Variants in MCOLN1 observed in about 807,000 individuals in gnomAD.
MCOLN1 encodes mucolipin TRP cation channel 1.
A neutral mutation model predicts 70.3 loss-of-function variants in MCOLN1; 50 were observed. That is an observed-to-expected ratio of 0.71 (90% CI 0.57 to 0.90). MCOLN1 has a LOEUF of 0.90. Ranked by LOEUF, MCOLN1 falls within the 40% of genes least tolerant of loss-of-function variation. The pLI, the probability that MCOLN1 is intolerant of heterozygous loss-of-function variation, is 0.00. For missense variants in MCOLN1, 598 were observed against 803.5 expected (o/e 0.74, Z 3.09); for synonymous variants, 366 against 341.0 (o/e 1.07, Z -0.81).
chr19:7,522,639 C>G lies in MCOLN1; in HGVS notation c.-112C>G. On this transcript the variant is annotated 5_prime_UTR_variant, in exon 1 of 14. Transcript: ENST00000264079. ...TGACCGAGGCACAGATCAGCTGATG[C>G]CGGAGGGTTTGAAGCCGCGCCGCGA... 8.6e-7 allele frequency: 1 copy of G among 1,165,648 alleles called. No homozygotes were observed. The highest frequency in any genetic ancestry group is 1.2e-6 in the Non-Finnish European group (1 of 865,284). 72.2% of individuals were successfully genotyped at this position (1,165,648 alleles called of 1,614,324 possible). A position where few individuals can be genotyped will look rare whatever the true frequency, so the allele number is the denominator to read the frequency against.
In MCOLN1 at chr19:7,528,486, A is replaced by T; in HGVS notation, c.878-111A>T. ...CAAGCAAGCCCTGAGCCCACTGACC[A>T]ACCAAAACCAGCCGTGCAGCCCCCT... On this transcript the variant is annotated intron_variant, in intron 7 of 13. Transcript: ENST00000264079. This position sits in a 1 kb window ranked among gnomAD's most constrained non-coding sequence, Gnocchi z 4.2. 6.9e-7 allele frequency: 1 copy of T among 1,444,102 alleles called. No homozygotes were observed. Among genetic ancestry groups the T allele is most frequent in the Non-Finnish European group, 9.5e-7 (1 of 1,052,846 alleles). 89.5% of individuals were successfully genotyped at this position (1,444,102 alleles called of 1,614,324 possible).
In MCOLN1 at chr19:7,522,722, C is replaced by G; in HGVS notation, c.-29C>G. ...TCGGACCCAGGCTGCCCCGCCGTAC[C>G]CGCCTGCGTCCCGCGCTCCCGCCCC... On this transcript the variant is annotated 5_prime_UTR_variant, in exon 1 of 14. Coordinates refer to ENST00000264079, the MANE Select transcript of MCOLN1 (RefSeq NM_020533.3). 1 of 1,454,340 alleles carries G rather than the reference C, an allele frequency of 6.9e-7. No individual in the cohort carries two copies. The highest frequency in any genetic ancestry group is 9.0e-7 in the Non-Finnish European group (1 of 1,107,904). 90.1% of individuals were successfully genotyped at this position (1,454,340 alleles called of 1,614,324 possible).
In MCOLN1 at chr19:7,528,956, G is replaced by A. The variant is rs749914804; in HGVS notation, c.1120G>A (p.Gly374Ser). ...LTISGTIMKI[G>S]IEAKNLASYD... ...CATCTCGGGCACCATCATGAAGATC[G>A]GCATCGAGGCCAAGGTGCGTCCTGC... The change falls in exon 9 of 14, where the codon GGC becomes AGC. Residue 374 changes from glycine (G) to serine (S), a missense_variant. By Grantham distance (56) the Gly-to-Ser change is moderately conservative. Around this residue, in one of 3 missense-constraint regions of MCOLN1, gnomAD observed 461 missense variants for 588.4 expected, o/e 0.78. Transcript: ENST00000264079. The surrounding 1 kb of genome is among the most constrained non-coding windows in gnomAD (Gnocchi z 4.2). The A allele has an allele frequency of 8.7e-5, 141 of 1,614,004 alleles. 1 individual carries two copies. Among genetic ancestry groups the A allele is most frequent in the South Asian group, 2.6e-4 (24 of 91,090 alleles).
rs113261161 is a variant in MCOLN1 at position 7,527,954 on chromosome 19, C to T, written c.771C>T (p.Ser257=). ...NNEIPDCYTF[S]VLITFDNKAH... Reference sequence around the variant, plus strand: ...AGATCCCGGACTGCTATACCTTCAGCGTCCTGGTGAGGCCCCCCGGGAACC... The same window carrying T: ...AGATCCCGGACTGCTATACCTTCAGTGTCCTGGTGAGGCCCCCCGGGAACC... The change falls in exon 6 of 14, where the codon AGC becomes AGT. Residue 257 remains serine (S), a synonymous_variant. Transcript: ENST00000264079. The T allele has an allele frequency of 8.7e-6, 14 of 1,613,282 alleles. No homozygotes were observed. Among genetic ancestry groups the T allele is most frequent in the African/African-American group, 6.7e-5 (5 of 74,896 alleles).
rs1329175683 is a variant in MCOLN1, at chr19:7,533,800, AC to A, written c.*7del. The A allele has an allele frequency of 6.2e-7, 1 of 1,613,942 alleles. No individual in the cohort carries two copies. On this transcript the variant is annotated 3_prime_UTR_variant, in exon 14 of 14. Transcript: ENST00000264079. ...CATTCGCTGCTGGTGAATTGATTCG[AC>A]CTGACTGCCGTTGGACCGTAGGCCC...
Position 7,529,608 on chromosome 19 carries a change from C to G in MCOLN1, c.1255C>G (p.Arg419Gly), listed in dbSNP as rs746356009. ...AACCCAGATCCTCATCGCCACACTG[C>G]GGGTGGCCCTGCCCAGCGTCATGCG... Reference protein sequence around the residue: ...HNYNILIATLRVALPSVMRFC... With the variant: ...HNYNILIATLGVALPSVMRFC... The change falls in exon 11 of 14, where the codon CGG becomes GGG. Residue 419 changes from arginine to glycine, a missense_variant. Coordinates refer to ENST00000264079, the MANE Select transcript of MCOLN1 (RefSeq NM_020533.3). 2 of 1,613,440 alleles carry G rather than the reference C, an allele frequency of 1.2e-6. No individual in the cohort carries two copies. The highest frequency in any genetic ancestry group is 1.3e-5 in the African/African-American group (1 of 74,898).
At chr19:7,533,292 C>T in intron 12 of MCOLN1, 1 of 607,324 alleles carries the variant, frequency 1.6e-6, no homozygotes, top group East Asian at 2.8e-5. Context: ...GGACCTACAG[C>T]AGAAGGCAAA....
Position 7,529,646 on chromosome 19 carries a change from C to A in MCOLN1, c.1293C>A (p.Cys431Ter). Residue 431 changes from cysteine (C) to a stop codon, truncating the protein, a stop_gained, in exon 11 of 14, where the codon TGC becomes TGA. Transcript: ENST00000264079. LOFTEE classifies it high-confidence loss of function. ...CCAGCGTCATGCGCTTCTGCTGCTG[C>A]GTGGCTGTCATCTACCTGGGCTACT... ...ALPSVMRFCC[C>*]VAVIYLGYCF... 1 of 1,614,180 alleles carries A rather than the reference C, an allele frequency of 6.2e-7. No individual in the cohort carries two copies. Among genetic ancestry groups the A allele is most frequent in the Non-Finnish European group, 8.5e-7 (1 of 1,180,008 alleles).
rs10405628 is a variant in MCOLN1, at chr19:7,529,898, A to G, written c.1359+186A>G. On this transcript the variant is annotated intron_variant, in intron 11 of 13. Transcript: ENST00000264079. ...TTGTTGATGACCCTATTTCGACCTG[A>G]ATTACTCCCCTCCTGCTCTATCTAC... is the stretch of plus-strand genomic sequence containing the variant. 0.027 allele frequency among the ~76,000 whole-genome samples: 4,135 copies of G among 152,070 alleles called. 225 individuals are homozygous for G. The highest frequency in any genetic ancestry group is 0.12 in the Admixed American group (1,881 of 15,284).
intron 6 of MCOLN1, 40 bp downstream of exon 6, chr19:7,528,000 G>T (rs377032505): frequency 6.3e-7 from 1 of 1,582,792 alleles, no homozygotes; most frequent in South Asian, 1.1e-5. Context: ...CTGAGTTCCA[G>T]GGCAGGGACC....
At position 7,529,115 on chromosome 19, in the gene MCOLN1, C is replaced by T. The variant is rs376777270; in HGVS notation, c.1149C>T (p.Tyr383=). 17 of 1,613,832 alleles carry T rather than the reference C, an allele frequency of 1.1e-5. No homozygotes were observed. In the African/African-American group the frequency reaches 1.6e-4, roughly 15 times the overall value. ...CCCACCCGCAGAACTTGGCGAGCTA[C>T]GACGTCTGCAGCATCCTCCTGGGCA... ...IGIEAKNLAS[Y]DVCSILLGTS... The change falls in exon 10 of 14, where the codon TAC becomes TAT. Residue 383 remains tyrosine (Y), a synonymous_variant. Coordinates refer to ENST00000264079, the MANE Select transcript of MCOLN1 (RefSeq NM_020533.3).
Position 7,529,216 on chromosome 19 carries a change from A to G in MCOLN1, c.1236+14A>G. The stretch of plus-strand genomic sequence containing the variant: ...CACAACTACAATGTGAGTTTTGCAC[A>G]TGCAGCTGGGCCTTCCACATGGTTA... On this transcript the variant is annotated intron_variant, in intron 10 of 13. Transcript: ENST00000264079. 6.2e-7 allele frequency: 1 copy of G among 1,604,748 alleles called. No homozygotes were observed. The highest frequency in any genetic ancestry group is 8.5e-7 in the Non-Finnish European group (1 of 1,174,954).
intron 12 of MCOLN1, 152 bp downstream of exon 12, chr19:7,530,653 G>A (rs2022642778): frequency 1.3e-6 from 1 of 793,800 alleles, no homozygotes; most frequent in Non-Finnish European, 2.1e-6. Context: ...GTTCAGAACT[G>A]GGGGGCGCAG....
At chr19:7,523,920 C>G (rs973955118) in intron 1 of MCOLN1, among the ~76,000 whole-genome samples, 1 of 151,538 alleles carries the variant, frequency 6.6e-6, no homozygotes, top group Non-Finnish European at 1.5e-5. Flanking sequence ...AATCCTAGCT[C>G]ATTGTAACAT....
intron 10 of MCOLN1, 60 bp from the exon 11 acceptor site, chr19:7,529,530 C>A: frequency 5.7e-6 from 3 of 527,274 alleles, no homozygotes; most frequent in Non-Finnish European, 1.1e-5. Context: ...CATCTGGGTG[C>A]CCACAGCTGA....
chr19:7,528,333 C>T lies in MCOLN1; in HGVS notation c.877+76C>T, dbSNP rs565687260. 5.7e-5 allele frequency: 81 copies of T among 1,418,214 alleles called. 1 individual carries two copies. The African/African-American group carries it at 8.2e-4, about 14-fold the overall frequency. The allele number at this position is 1,418,214 out of a possible 1,614,324, so 87.9% of individuals were successfully genotyped here. On this transcript the variant is annotated intron_variant, in intron 7 of 13. Coordinates refer to ENST00000264079, the MANE Select transcript of MCOLN1 (RefSeq NM_020533.3). This position sits in a 1 kb window ranked among gnomAD's most constrained non-coding sequence, Gnocchi z 4.2. ...TGGGATTCCCCAAGCCCCAGATCAG[C>T]GCTGCCTGGGGGCCGTGACCTCCCC...
At position 7,526,793 on chromosome 19, in the gene MCOLN1, G is replaced by A. The variant is rs1346139106; in HGVS notation, c.438G>A (p.Arg146=). The change falls in exon 4 of 14, where the codon CGG becomes CGA. Residue 146 remains arginine (R), a synonymous_variant. Coordinates refer to ENST00000264079, the MANE Select transcript of MCOLN1 (RefSeq NM_020533.3). This position sits in a 1 kb window ranked among gnomAD's most constrained non-coding sequence, Gnocchi z 4.6. ...YLALPDVSLG[R]YAYVRGGGDP... ...CGTTGCCTGACGTGTCACTGGGCCG[G>A]TATGCGTATGTCCGTGGTGGGGGTG... 1 of 1,614,190 alleles carries A rather than the reference G, an allele frequency of 6.2e-7. No homozygotes were observed. The highest frequency in any genetic ancestry group is 8.5e-7 in the Non-Finnish European group (1 of 1,180,046).
At chr19:7,527,726 C>A (rs1016502280) in intron 5 of MCOLN1, 98 bp downstream of exon 5, 1 of 1,082,118 alleles carries the variant, frequency 9.2e-7, no homozygotes, top group East Asian at 2.4e-5. Flanking sequence ...GGACAGGGCC[C>A]CCCCGCCCGC....
intron 12 of MCOLN1, 72 bp downstream of exon 12, chr19:7,530,573 G>T: frequency 1.5e-6 from 2 of 1,338,784 alleles, no homozygotes; most frequent in Non-Finnish European, 2.1e-6. Context: ...GGGTCTTGGG[G>T]ACACCGCAGG....
Sources: gnomAD v4.1 joint callset for allele counts (sites outside exome capture counted in the v4.1 genomes callset) on GRCh38, gnomAD v4.1.1 for gene constraint, gnomAD v4.1.1 regional missense constraint, Gnocchi (gnomAD v3.1) non-coding constraint, MANE v1.5 for transcripts, NCBI Gene and HGNC (gene_info 2026-07-23, HGNC 2026-07-21) for gene names.